Variants in TSNARE1 observed in about 807,000 individuals in gnomAD.
TSNARE1 encodes t-SNARE domain-containing protein 1.
In TSNARE1, 49 loss-of-function variants were observed where a neutral mutation model predicts 62.0. The ratio of observed to expected loss-of-function variants is 0.79; its 90% CI spans 0.63 to 1.00. TSNARE1 has a LOEUF of 1.00. Ranked by LOEUF, TSNARE1 falls within the 50% of genes least tolerant of loss-of-function variation. The pLI, the probability that TSNARE1 is intolerant of heterozygous loss-of-function variation, is 0.00. For missense variants in TSNARE1, 755 were observed against 700.1 expected (o/e 1.08, Z -0.88); for synonymous variants, 328 against 294.4 (o/e 1.11, Z -1.17).
At chr8:142,239,981 A>C (rs541789414) in intron 12 of TSNARE1, among the ~76,000 whole-genome samples, 3 of 152,350 alleles carry the variant, frequency 2.0e-5, no homozygotes, top group Non-Finnish European at 4.4e-5. Context: ...ATAAATACAG[A>C]TCAAAAAGTA....
intron 1 of TSNARE1, among the ~76,000 whole-genome samples, chr8:142,375,103 G>A (rs569321936): frequency 1.3e-5 from 2 of 152,362 alleles, no homozygotes; most frequent in Admixed American, 6.5e-5. Context: ...TCTCACACAG[G>A]GGTGGCCCCA....
chr8:142,214,480 G>A (rs1815736473), intron 13 of TSNARE1, among the ~76,000 whole-genome samples: 1 of 152,140 alleles, frequency 6.6e-6, no homozygotes, highest in Non-Finnish European at 1.5e-5. Flanking sequence ...CCAAAACTTG[G>A]CCCCTCACTT....
intron 1 of TSNARE1, chr8:142,365,771 C>T (rs4419935): frequency 0.44 from 111,803 of 254,688 alleles, 28,275 homozygotes; most frequent in African/African-American, 0.77. Context: ...GTCCAAAAGT[C>T]CTAAATTAAA....
chr8:142,343,377 G>A (rs918802129), intron 4 of TSNARE1, among the ~76,000 whole-genome samples: 7 of 151,972 alleles, frequency 4.6e-5, no homozygotes, highest in Non-Finnish European at 1.5e-5. Context: ...AGACGCAGCA[G>A]GAGGAACATG....
intron 13 of TSNARE1, among the ~76,000 whole-genome samples, chr8:142,217,414 G>A (rs35675744): frequency 0.32 from 48,122 of 151,474 alleles, 8,653 homozygotes; most frequent in Non-Finnish European, 0.4. Context: ...AACGGCGTAA[G>A]GAATGGCTGA....
chr8:142,261,899 T>G (rs72687340), intron 12 of TSNARE1, among the ~76,000 whole-genome samples: 27,361 of 152,150 alleles, frequency 0.18, 2,672 homozygotes, highest in Middle Eastern at 0.27. Context: ...CAGCAGGGCT[T>G]ATGCCCAGGA....
chr8:142,319,229 C>T lies in TSNARE1; in HGVS notation c.894-595G>A, dbSNP rs1485731836. ...GCCCTCCCTGCAGAAAGGCCCGTCT[C>T]GGGGTCAGCTCCCCTCGGAAAGCCA... On this transcript the variant is annotated intron_variant, in intron 6 of 13. Coordinates refer to ENST00000524325, the MANE Select transcript of TSNARE1 (RefSeq NM_145003.5). The surrounding 1 kb of genome is among the most constrained non-coding windows in gnomAD (Gnocchi z 4.9). Among the ~76,000 whole-genome samples the T allele has an allele frequency of 1.3e-5, 2 of 152,116 alleles. No homozygotes were observed. The highest frequency in any genetic ancestry group is 2.1e-4 in the South Asian group (1 of 4,824).
At chr8:142,287,645 A>G (rs1563834219) in intron 10 of TSNARE1, among the ~76,000 whole-genome samples, 1 of 118,496 alleles carries the variant, frequency 8.4e-6, no homozygotes, top group Non-Finnish European at 1.7e-5. Flanking sequence ...TCTCAGGGAC[A>G]GTGGGCTGCC....
At chr8:142,391,113 C>A (rs1345223340) in intron 1 of TSNARE1, among the ~76,000 whole-genome samples, 1 of 136,872 alleles carries the variant, frequency 7.3e-6, no homozygotes, top group African/African-American at 2.8e-5. Context: ...CTCTAACAGA[C>A]GCTGTACACT....
At chr8:142,264,318 T>C (rs1032865600) in intron 12 of TSNARE1, among the ~76,000 whole-genome samples, 1 of 152,254 alleles carries the variant, frequency 6.6e-6, no homozygotes, top group Non-Finnish European at 1.5e-5. Context: ...TTACTGATCT[T>C]TTGAAATGTT....
At chr8:142,388,550 C>CTTTTTTTTTTTTT (rs71313221) in intron 1 of TSNARE1, among the ~76,000 whole-genome samples, 23 of 67,412 alleles carry the variant, frequency 3.4e-4, no homozygotes, top group Non-Finnish European at 4.2e-4. Context: ...AAAACAAAAT[C>CTTTTTTTTTTTTT]TTTTTTTTTT....
rs1231173718 is a variant in TSNARE1, at chr8:142,331,050, C to A, written c.824-80G>T. 19 of 1,315,280 alleles carry A rather than the reference C, an allele frequency of 1.4e-5. 2 individuals are homozygous for A. In the South Asian group the frequency reaches 2.3e-4, roughly 16 times the overall value. The allele number at this position is 1,315,280 out of a possible 1,614,324, so 81.5% of individuals were successfully genotyped here. A position where few individuals can be genotyped will look rare whatever the true frequency, so the allele number is the denominator to read the frequency against. On this transcript the variant is annotated intron_variant, in intron 5 of 13. Transcript: ENST00000524325. Reference sequence around the variant, plus strand: ...CTACTCCATATGGGTGGCCCCACTGCAGCCCGGGCAGGGTGAGCAGAGCCC... The same window carrying A: ...CTACTCCATATGGGTGGCCCCACTGAAGCCCGGGCAGGGTGAGCAGAGCCC...
At chr8:142,390,519 T>A in intron 1 of TSNARE1, among the ~76,000 whole-genome samples, 1 of 56,700 alleles carries the variant, frequency 1.8e-5, no homozygotes, top group South Asian at 8.8e-4. Context: ...CTGGGGACTC[T>A]GTAACAGACG....
intron 12 of TSNARE1, among the ~76,000 whole-genome samples, chr8:142,248,094 G>A (rs1367059872): frequency 6.6e-6 from 1 of 152,054 alleles, no homozygotes; most frequent in Non-Finnish European, 1.5e-5. Flanking sequence ...CTCATGACGG[G>A]GACCAAGGCC....
At chr8:142,323,400 G>A (rs568327344) in intron 6 of TSNARE1, among the ~76,000 whole-genome samples, 1 of 152,356 alleles carries the variant, frequency 6.6e-6, no homozygotes, top group African/African-American at 2.4e-5. Context: ...CACCTCCTGG[G>A]TCTCCAGAGT....
At chr8:142,273,012 C>A (rs1273864400) in intron 12 of TSNARE1, 2 of 985,466 alleles carry the variant, frequency 2.0e-6, no homozygotes, top group Non-Finnish European at 2.4e-6. Context: ...ACAGTCTATG[C>A]AGAGGTGACT....
intron 6 of TSNARE1, chr8:142,325,933 G>C (rs1269286080): frequency 5.6e-4 from 87 of 154,818 alleles, no homozygotes; most frequent in South Asian, 2.3e-3. Flanking sequence ...GCCCCGGAGA[G>C]CACGAGACGG....
intron 12 of TSNARE1, among the ~76,000 whole-genome samples, chr8:142,252,127 C>T (rs1000932287): frequency 1.2e-4 from 19 of 152,260 alleles, no homozygotes; most frequent in African/African-American, 4.3e-4. Flanking sequence ...ATGTACCCGC[C>T]GCCCGCGTTC....
At chr8:142,398,406 C>T (rs1176704196) in intron 1 of TSNARE1, among the ~76,000 whole-genome samples, 1 of 152,024 alleles carries the variant, frequency 6.6e-6, no homozygotes, top group East Asian at 1.9e-4. Flanking sequence ...AAATATGCCC[C>T]CAAACCCTCC....
Sources: allele counts gnomAD v4.1 joint callset (sites outside exome capture counted in the v4.1 genomes callset), GRCh38; gene constraint gnomAD v4.1.1; non-coding constraint Gnocchi (gnomAD v3.1); transcripts MANE v1.5; gene names NCBI Gene and HGNC (gene_info 2026-07-23, HGNC 2026-07-21).